ZRSR2: variants seen among roughly 807,000 people sequenced by gnomAD.
ZRSR2 encodes the protein U2 small nuclear ribonucleoprotein auxiliary factor 35 kDa subunit-related protein 2.
Under a neutral mutation model 39.4 loss-of-function variants are expected in ZRSR2, and 3 were observed. The ratio of observed to expected loss-of-function variants is 0.08; its 90% CI spans 0.03 to 0.20. The LOEUF (loss-of-function observed/expected upper bound fraction) is 0.20, where lower values mean the gene tolerates loss of function less well. ZRSR2 is among the 10% of genes least tolerant of loss of function. The pLI is 1.00. For synonymous variants in ZRSR2, 137 were observed against 136.0 expected, an observed-to-expected ratio of 1.01 and a Z score of -0.05; for missense variants, 256 against 391.5, an observed-to-expected ratio of 0.65 and a Z score of 2.92.
chrX:15,815,988 G>A (rs949761496), intron 8 of ZRSR2, 98 bp downstream of exon 8: 12 of 658,850 alleles, frequency 1.8e-5, no homozygotes, highest in Middle Eastern at 3.2e-4. Flanking sequence ...GGTCAGGCAC[G>A]CTAGCACTCT....
At chrX:15,790,634 G>A (rs1932239706) in intron 1 of ZRSR2, 98 bp downstream of exon 1, 5 of 1,062,645 alleles carry the variant, frequency 4.7e-6, no homozygotes, top group Non-Finnish European at 6.3e-6. Flanking sequence ...CAAGCTAAGT[G>A]AGCCACCGCG....
chrX:15,812,031 G>A (rs964441184), intron 7 of ZRSR2, among the ~76,000 whole-genome samples: 5 of 111,289 alleles, frequency 4.5e-5, no homozygotes, highest in African/African-American at 9.8e-5. Flanking sequence ...CTGGGTTCGC[G>A]CCATTCTCCT....
At chrX:15,800,183 T>G (rs1278094980) in intron 3 of ZRSR2, among the ~76,000 whole-genome samples, 1 of 101,612 alleles carries the variant, frequency 9.8e-6, no homozygotes, top group Non-Finnish European at 2.0e-5. Context: ...ATTTTTTTTC[T>G]TTCTTTTTTT....
In ZRSR2 at chrX:15,815,951, A is replaced by G. The variant is rs1438540563; in HGVS notation, c.771+61A>G. ...TCACCCTGCAGTACTTAATGGCACA[A>G]GAGAGCTGGGACACAGGCTCAGCTG... On this transcript the variant is annotated intron_variant, in intron 8 of 10. Coordinates refer to ENST00000307771, the MANE Select transcript of ZRSR2 (RefSeq NM_005089.4). The G allele has an allele frequency of 2.9e-5, 29 of 1,006,372 alleles. 1 individual carries two copies. Among genetic ancestry groups the G allele is most frequent in the Non-Finnish European group, 3.8e-5 (28 of 739,938 alleles). The allele number at this position is 1,006,372 out of a possible 1,213,427, so 82.9% of individuals were successfully genotyped here. A position where few individuals can be genotyped will look rare whatever the true frequency, so the allele number is the denominator to read the frequency against.
rs1476453229 is a variant in ZRSR2, at chrX:15,804,203, T to G, written c.399+6T>G. On this transcript the variant is annotated splice_donor_region_variant and intron_variant, in intron 5 of 10. Transcript: ENST00000307771. The stretch of plus-strand genomic sequence containing the variant: ...AGGAGAAGAAAGAAAAAGAGGTGAT[T>G]CCTGTCATGGGATGTGCTGTGTGAT... 4 of 1,188,795 alleles carry G rather than the reference T, an allele frequency of 3.4e-6. No individual in the cohort carries two copies. Among genetic ancestry groups the G allele is most frequent in the Non-Finnish European group, 4.5e-6 (4 of 887,557 alleles).
At chrX:15,790,762 A>T (rs1473526202) in intron 1 of ZRSR2, 172 bp from the exon 2 acceptor site, 8 of 600,789 alleles carry the variant, frequency 1.3e-5, no homozygotes, top group South Asian at 1.1e-4. Context: ...ACTGTCTGGG[A>T]GTGGGAGGAT....
chrX:15,793,837 C>T (rs1932361075), intron 2 of ZRSR2, among the ~76,000 whole-genome samples: 1 of 112,479 alleles, frequency 8.9e-6, no homozygotes, highest in Non-Finnish European at 1.9e-5. Context: ...TGCGCCCGGC[C>T]AGGAACACTG....
chrX:15,807,219 T>C (rs1448627056), intron 5 of ZRSR2, among the ~76,000 whole-genome samples: 1 of 112,378 alleles, frequency 8.9e-6, no homozygotes, highest in Non-Finnish European at 1.9e-5. Context: ...CCACTGGTCA[T>C]GTCATATTTT....
rs1356367704 is a variant in ZRSR2, at chrX:15,790,973, A to T, written c.81A>T (p.Arg27=). ...KYRAALKKEK[R]KKRRQELARL... Reference sequence around the variant, plus strand: ...GGGCCGCCCTGAAGAAGGAGAAACGAAAGAAACGTCGGCAGGAACTTGCTC... The same window carrying T: ...GGGCCGCCCTGAAGAAGGAGAAACGTAAGAAACGTCGGCAGGAACTTGCTC... The change falls in exon 2 of 11, where the codon CGA becomes CGT. Residue 27 remains arginine, a synonymous_variant. Transcript: ENST00000307771. The T allele has an allele frequency of 1.4e-5, 17 of 1,209,351 alleles. No homozygotes were observed. The highest frequency in any genetic ancestry group is 8.8e-5 in the Admixed American group (4 of 45,651).
intron 10 of ZRSR2, among the ~76,000 whole-genome samples, chrX:15,820,992 GCTCTAAATGC>G (rs748234987): frequency 8.9e-6 from 1 of 111,969 alleles, no homozygotes; most frequent in Non-Finnish European, 1.9e-5. Flanking sequence ...AAAGAGATGA[GCTCTAAATGC>G]CTCTGGGGAG....
chrX:15,802,603 G>C (rs749397225), intron 3 of ZRSR2, among the ~76,000 whole-genome samples: 1 of 110,762 alleles, frequency 9.0e-6, no homozygotes, highest in Non-Finnish European at 1.9e-5. Flanking sequence ...GGGATTATAG[G>C]CGGCTGCCAC....
chrX:15,810,545 TTCCTTC>T (rs1192890491), intron 7 of ZRSR2, among the ~76,000 whole-genome samples: 1 of 111,423 alleles, frequency 9.0e-6, no homozygotes, highest in East Asian at 2.8e-4. Context: ...TGAGGTTTTT[TTCCTTC>T]TTCTTCTTCT....
chrX:15,802,148 T>C (rs1316447992), intron 3 of ZRSR2, among the ~76,000 whole-genome samples: 1 of 112,396 alleles, frequency 8.9e-6, no homozygotes, highest in Non-Finnish European at 1.9e-5. Flanking sequence ...GAATCTGTAT[T>C]TGGAAATGTA....
At chrX:15,820,672 A>G (rs181144527) in intron 10 of ZRSR2, among the ~76,000 whole-genome samples, 19 of 112,122 alleles carry the variant, frequency 1.7e-4, no homozygotes, top group Non-Finnish European at 9.4e-5. Context: ...GGTATTTTAT[A>G]TTCATTGGCT....
chrX:15,809,040 C>T (rs1932840976), intron 6 of ZRSR2, among the ~76,000 whole-genome samples, 160 bp from the exon 7 acceptor site: 1 of 112,145 alleles, frequency 8.9e-6, no homozygotes, highest in Non-Finnish European at 1.9e-5. Flanking sequence ...TGTCTCAGTA[C>T]CGTTGTTTGT....
chrX:15,804,049 C>A (rs973455187), intron 4 of ZRSR2, 62 bp from the exon 5 acceptor site: 83 of 1,096,071 alleles, frequency 7.6e-5, no homozygotes, highest in Non-Finnish European at 9.9e-5. Flanking sequence ...TCTATGTGCG[C>A]TGTATGTGAA....
chrX:15,822,941 C>G lies in ZRSR2; in HGVS notation c.1148C>G (p.Pro383Arg). 1 of 1,212,345 alleles carries G rather than the reference C, an allele frequency of 8.2e-7. No homozygotes were observed. The highest frequency in any genetic ancestry group is 1.1e-6 in the Non-Finnish European group (1 of 895,662). ...YYSRLRGRRNPSPDHSYKRNG... is the reference protein window; with the variant it reads ...YYSRLRGRRNRSPDHSYKRNG... ...AGCAGGCTGCGGGGAAGGAGAAACCCTAGTCCAGACCACTCCTACAAAAGA... is the reference window on the plus strand; with the variant it reads ...AGCAGGCTGCGGGGAAGGAGAAACCGTAGTCCAGACCACTCCTACAAAAGA... The change falls in exon 11 of 11, where the codon CCT becomes CGT. Residue 383 changes from proline (P) to arginine (R), a missense_variant. This residue lies in a region of ZRSR2 where 111 missense variants were observed against 116.7 expected (regional missense o/e 0.95). Coordinates refer to ENST00000307771, the MANE Select transcript of ZRSR2 (RefSeq NM_005089.4).
At chrX:15,810,006 G>T (rs986155630) in intron 7 of ZRSR2, among the ~76,000 whole-genome samples, 1 of 111,671 alleles carries the variant, frequency 9.0e-6, no homozygotes, top group East Asian at 2.8e-4. Context: ...GTGTGCCTTC[G>T]TTCTCTCATC....
chrX:15,817,506 G>A (rs1933002005), intron 8 of ZRSR2, among the ~76,000 whole-genome samples: 1 of 111,777 alleles, frequency 8.9e-6, no homozygotes, highest in African/African-American at 3.2e-5. Flanking sequence ...ATTGTTGAAG[G>A]CAAATGATCA....
Sources: allele counts gnomAD v4.1 joint callset (sites outside exome capture counted in the v4.1 genomes callset), GRCh38; gene constraint gnomAD v4.1.1; regional missense constraint gnomAD v4.1.1; transcripts MANE v1.5; gene names NCBI Gene and HGNC (gene_info 2026-07-23, HGNC 2026-07-21).